The following GSK3B variants were observed in gnomAD, a reference collection of about 807,000 sequenced individuals.
GSK3B encodes glycogen synthase kinase-3 beta.
GSK3B carries 15 observed loss-of-function variants against 56.4 expected under a neutral mutation model. The ratio of observed to expected loss-of-function variants is 0.27; its 90% CI spans 0.18 to 0.41. GSK3B has a LOEUF of 0.41. GSK3B is among the 10% of genes least tolerant of loss of function. GSK3B has a pLI of 1.00. For synonymous variants in GSK3B, 181 were observed against 188.9 expected (o/e 0.96, Z 0.34); for missense variants, 300 against 513.4 (o/e 0.58, Z 4.02).
At chr3:120,011,873 T>C (rs2057781383) in intron 1 of GSK3B, among the ~76,000 whole-genome samples, 2 of 152,338 alleles carry the variant, frequency 1.3e-5, no homozygotes, top group Non-Finnish European at 1.5e-5. Flanking sequence ...TAGATTAATT[T>C]ATCATAAAGC....
At chr3:119,862,455 T>C (rs1969412) in intron 9 of GSK3B, among the ~76,000 whole-genome samples, 102,080 of 115,018 alleles carry the variant, frequency 0.89, 45,440 homozygotes, top group Admixed American at 0.92. Context: ...AGCACACCAG[T>C]ATGGCACATG....
intron 1 of GSK3B, among the ~76,000 whole-genome samples, chr3:120,017,096 T>G (rs1387041576): frequency 6.6e-6 from 1 of 152,212 alleles, no homozygotes; most frequent in Non-Finnish European, 1.5e-5. Context: ...CTGCCCAATT[T>G]GGAGGGCAAG....
chr3:120,026,705 G>A (rs1004226374), intron 1 of GSK3B, among the ~76,000 whole-genome samples: 8 of 151,000 alleles, frequency 5.3e-5, no homozygotes, highest in South Asian at 4.2e-4. Flanking sequence ...TTACAGGCGC[G>A]CACCACCACA....
At chr3:120,001,253 C>T (rs1019836852) in intron 2 of GSK3B, among the ~76,000 whole-genome samples, 2 of 151,918 alleles carry the variant, frequency 1.3e-5, no homozygotes, top group Non-Finnish European at 2.9e-5. Context: ...AGTCTGGGGA[C>T]GGGCATGGTG....
intron 10 of GSK3B, among the ~76,000 whole-genome samples, chr3:119,827,636 G>GAAAAGA (rs947450113): frequency 1.4e-5 from 2 of 138,362 alleles, no homozygotes; most frequent in Non-Finnish European, 3.2e-5. Flanking sequence ...AAAGAAAAGA[G>GAAAAGA]AAAAGAAAAA....
chr3:120,074,361 T>G (rs1033868450), intron 1 of GSK3B, among the ~76,000 whole-genome samples: 20 of 151,126 alleles, frequency 1.3e-4, no homozygotes, highest in Non-Finnish European at 2.5e-4. Context: ...ACTTTTTTTT[T>G]TTTTTTTTGA....
At chr3:119,866,690 C>G in intron 8 of GSK3B, 1 of 1,063,242 alleles carries the variant, frequency 9.4e-7, no homozygotes, top group African/African-American at 1.6e-5. Context: ...AGAGAATAGT[C>G]CAGCAAGGAA....
chr3:120,007,982 T>C (rs986703770), intron 1 of GSK3B, among the ~76,000 whole-genome samples: 2 of 151,014 alleles, frequency 1.3e-5, no homozygotes, highest in African/African-American at 4.8e-5. Context: ...AAATTGTCTC[T>C]GTTTGACGTC....
At chr3:119,923,087 A>C in intron 4 of GSK3B, among the ~76,000 whole-genome samples, 1 of 152,222 alleles carries the variant, frequency 6.6e-6, no homozygotes, top group East Asian at 1.9e-4. Flanking sequence ...TCAGAAGTTA[A>C]ATTAAAATGT....
chr3:120,002,497 T>C (rs1476666922), intron 1 of GSK3B, among the ~76,000 whole-genome samples: 1 of 151,738 alleles, frequency 6.6e-6, no homozygotes, highest in East Asian at 1.9e-4. Context: ...TGCCACCACG[T>C]CTGGCTAATT....
intron 2 of GSK3B, among the ~76,000 whole-genome samples, chr3:119,969,682 A>C (rs937396271): frequency 6.6e-6 from 1 of 152,194 alleles, no homozygotes; most frequent in Non-Finnish European, 1.5e-5. Flanking sequence ...TAGCAAACAA[A>C]TATGGTCAAC....
intron 1 of GSK3B, among the ~76,000 whole-genome samples, chr3:120,067,329 TA>T (rs915225525): frequency 6.6e-6 from 1 of 150,762 alleles, no homozygotes; most frequent in African/African-American, 2.4e-5. Context: ...TAAAATGGAG[TA>T]CGCCCACTAA....
rs1009053901 is a variant in GSK3B, at chr3:120,060,005, T to C, written c.88+33342A>G. 2.0e-5 allele frequency among the ~76,000 whole-genome samples: 3 copies of C among 152,196 alleles called. No homozygotes were observed. The East Asian group carries it at 5.8e-4, about 29-fold the overall frequency. On this transcript the variant is annotated intron_variant, in intron 1 of 10. Transcript: ENST00000264235. ...AAAATTTTACTGAAATCTTGTTATATGCCAGGCATTACCCTGAACTCTGGG... is the reference window on the plus strand; with the variant it reads ...AAAATTTTACTGAAATCTTGTTATACGCCAGGCATTACCCTGAACTCTGGG...
chr3:120,087,111 A>G (rs1408567691), intron 1 of GSK3B, among the ~76,000 whole-genome samples: 1 of 152,222 alleles, frequency 6.6e-6, no homozygotes, highest in Non-Finnish European at 1.5e-5. Context: ...GTCTGCAGAT[A>G]TTAGCTGCTC....
chr3:119,923,639 C>G (rs1256705137), intron 3 of GSK3B, among the ~76,000 whole-genome samples, 156 bp from the exon 4 acceptor site: 2 of 151,930 alleles, frequency 1.3e-5, no homozygotes, highest in African/African-American at 4.8e-5. Flanking sequence ...CAGAATATAA[C>G]CATAATAATA....
At chr3:119,847,550 A>G (rs552482931) in intron 9 of GSK3B, among the ~76,000 whole-genome samples, 44 of 152,304 alleles carry the variant, frequency 2.9e-4, no homozygotes, top group Non-Finnish European at 4.4e-4. Flanking sequence ...TGACAAACCT[A>G]TATCTCAAAC....
At chr3:119,970,462 C>G (rs1006770629) in intron 2 of GSK3B, among the ~76,000 whole-genome samples, 2 of 151,942 alleles carry the variant, frequency 1.3e-5, no homozygotes, top group African/African-American at 4.8e-5. Context: ...GGATACCCTG[C>G]TGGTGAGAAT....
intron 7 of GSK3B, among the ~76,000 whole-genome samples, chr3:119,888,660 A>G (rs1355944654): frequency 3.3e-5 from 5 of 152,122 alleles, no homozygotes; most frequent in Non-Finnish European, 2.9e-5. Context: ...AGGGAAGACA[A>G]CCATAAGGTC....
At chr3:119,862,005 A>C (rs765169134) in intron 9 of GSK3B, among the ~76,000 whole-genome samples, 4 of 152,124 alleles carry the variant, frequency 2.6e-5, no homozygotes, top group Non-Finnish European at 5.9e-5. Context: ...CAAACCCTCA[A>C]AAACATAAAT....
Sources: gnomAD v4.1 joint callset for allele counts (sites outside exome capture counted in the v4.1 genomes callset) on GRCh38, gnomAD v4.1.1 for gene constraint, MANE v1.5 for transcripts, NCBI Gene and HGNC (gene_info 2026-07-23, HGNC 2026-07-21) for gene names.